The following HELT variants were observed in gnomAD, a reference collection of about 807,000 sequenced individuals.
HELT encodes the protein hairy and enhancer of split-related protein HELT.
Under a neutral mutation model 19.5 loss-of-function variants are expected in HELT, and 9 were observed. The ratio of observed to expected loss-of-function variants is 0.46; its 90% CI spans 0.28 to 0.80. The LOEUF is 0.80. Among genes scored for constraint, HELT ranks in the 30% least tolerant of loss-of-function variants. HELT has a pLI of 0.12. For synonymous variants in HELT, 162 were observed against 148.3 expected (o/e 1.09, Z -0.67); for missense variants, 366 against 326.3 (o/e 1.12, Z -0.94).
chr4:185,019,312 A>G, intron 1 of HELT, 75 bp from the exon 2 acceptor site: 2 of 1,304,632 alleles, frequency 1.5e-6, no homozygotes, highest in Non-Finnish European at 2.2e-6. Context: ...GGCGGCTTGC[A>G]CCCAGCTGCT....
chr4:185,018,786 G>C lies in HELT; in HGVS notation c.-143G>C, dbSNP rs1411575018. On this transcript the variant is annotated 5_prime_UTR_variant, in exon 1 of 4. Transcript: ENST00000515777. ...ATAATTCAACTCGTGAATGCATCTG[G>C]AGCCCTAGATGACCGCTTTATAAGG... is the stretch of plus-strand genomic sequence containing the variant. The C allele has an allele frequency of 7.2e-6, 5 of 696,024 alleles. No individual in the cohort carries two copies. The highest frequency in any genetic ancestry group is 1.2e-5 in the Non-Finnish European group (5 of 429,222). The allele number at this position is 696,024 out of a possible 1,614,324, so 43.1% of individuals were successfully genotyped here.
intron 2 of HELT, 92 bp from the exon 3 acceptor site, chr4:185,019,655 G>A: frequency 1.2e-6 from 2 of 1,608,276 alleles, no homozygotes; most frequent in Non-Finnish European, 1.7e-6. Flanking sequence ...GCGCAGATCC[G>A]CAGCCGCGTC....
chr4:185,019,619 C>A, intron 2 of HELT, 128 bp downstream of exon 2: 1 of 1,593,532 alleles, frequency 6.3e-7, no homozygotes, highest in South Asian at 1.1e-5. Context: ...GGGGCCTGAG[C>A]GCAGGGCGAA....
In HELT at chr4:185,018,893, C is replaced by G. The variant is rs1392644285; in HGVS notation, c.-36C>G. The stretch of plus-strand genomic sequence containing the variant: ...GGCGGAAAAGTGGACGGGTGCCCCG[C>G]GCCACCGCCTCTCCCGAGGGCGCGT... On this transcript the variant is annotated 5_prime_UTR_variant, in exon 1 of 4. Transcript: ENST00000515777. The G allele has an allele frequency of 1.3e-6, 2 of 1,549,974 alleles. No individual in the cohort carries two copies. Among genetic ancestry groups the G allele is most frequent in the Non-Finnish European group, 1.8e-6 (2 of 1,142,494 alleles).
Position 185,020,835 on chromosome 4 carries a change from T to G in HELT, c.*63T>G. 1 of 1,470,560 alleles carries G rather than the reference T, an allele frequency of 6.8e-7. No individual in the cohort carries two copies. The highest frequency in any genetic ancestry group is 1.4e-5 in the South Asian group (1 of 70,848). The allele number at this position is 1,470,560 out of a possible 1,614,324, so 91.1% of individuals were successfully genotyped here. A position where few individuals can be genotyped will look rare whatever the true frequency, so the allele number is the denominator to read the frequency against. ...GCTTTTAGGAGAAATGCTGTATATA[T>G]TGTACACATAATGTGTAAATATTGT... On this transcript the variant is annotated 3_prime_UTR_variant, in exon 4 of 4. Coordinates refer to ENST00000515777, the MANE Select transcript of HELT (RefSeq NM_001300781.2).
chr4:185,019,622 A>G, intron 2 of HELT, 125 bp from the exon 3 acceptor site: 1 of 1,595,882 alleles, frequency 6.3e-7, no homozygotes, highest in Non-Finnish European at 8.5e-7. Context: ...GCCTGAGCGC[A>G]GGGCGAACCT....
At position 185,019,494 on chromosome 4, in the gene HELT, A is replaced by G; in HGVS notation, c.132+3A>G. The G allele has an allele frequency of 1.9e-6, 3 of 1,603,948 alleles. No individual in the cohort carries two copies. Among genetic ancestry groups the G allele is most frequent in the Non-Finnish European group, 2.6e-6 (3 of 1,175,052 alleles). On this transcript the variant is annotated splice_donor_region_variant and intron_variant, in intron 2 of 3. Coordinates refer to ENST00000515777, the MANE Select transcript of HELT (RefSeq NM_001300781.2). Reference sequence around the variant, plus strand: ...TGCCCATGGCCTTGGCGAAGCAGGTAACGTTGGCGACCCGGAGCCGGGTGC... The same window carrying G: ...TGCCCATGGCCTTGGCGAAGCAGGTGACGTTGGCGACCCGGAGCCGGGTGC...
chr4:185,019,349 G>A (rs1466681675), intron 1 of HELT, 38 bp from the exon 2 acceptor site: 10 of 1,544,966 alleles, frequency 6.5e-6, no homozygotes, highest in African/African-American at 2.7e-5. Context: ...CGACTTCCCG[G>A]GCAAAGCCAT....
In HELT at chr4:185,019,139, T is replaced by C. The variant is rs568776854; in HGVS notation, c.27+184T>C. The C allele has an allele frequency of 4.8e-5, 75 of 1,552,016 alleles. No individual in the cohort carries two copies. The African/African-American group carries it at 9.9e-4, about 21-fold the overall frequency. The stretch of plus-strand genomic sequence containing the variant: ...AGGAGGGTGCTCAACCAGGTAGAAG[T>C]CCTGCCTGGAGGCTGGCGGCCACCT... On this transcript the variant is annotated intron_variant, in intron 1 of 3. Transcript: ENST00000515777.
At position 185,019,412 on chromosome 4, in the gene HELT, T is replaced by C. The variant is rs778951420; in HGVS notation, c.53T>C (p.Ile18Thr). Reference protein sequence around the residue: ...RKRTPVSHKVIEKRRRDRINR... With the variant: ...RKRTPVSHKVTEKRRRDRINR... ...AGAACCCCCGTTTCTCATAAAGTGA[T>C]AGAAAAGCGGAGGAGGGACAGGATC... The change falls in exon 2 of 4, where the codon ATA (isoleucine) becomes ACA (threonine). Residue 18 changes from isoleucine to threonine, a missense_variant. Coordinates refer to ENST00000515777, the MANE Select transcript of HELT (RefSeq NM_001300781.2). 3 of 1,612,888 alleles carry C rather than the reference T, an allele frequency of 1.9e-6. No individual in the cohort carries two copies. The East Asian group carries it at 6.7e-5, about 36-fold the overall frequency.
At position 185,019,828 on chromosome 4, in the gene HELT, C is replaced by A. The variant is rs771965283; in HGVS notation, c.214C>A (p.Arg72=). ...AGCACTGCACTCCGCTGATTTTCCCCGGGGAAGGGAAAAAGGTGGGCACAG... is the reference window on the plus strand; with the variant it reads ...AGCACTGCACTCCGCTGATTTTCCCAGGGGAAGGGAAAAAGGTGGGCACAG... ...LRALHSADFP[R]GREKAELLAE... The change falls in exon 3 of 4, where the codon CGG becomes AGG. Residue 72 remains arginine, a synonymous_variant. Coordinates refer to ENST00000515777, the MANE Select transcript of HELT (RefSeq NM_001300781.2). 1.9e-6 allele frequency: 3 copies of A among 1,613,428 alleles called. No homozygotes were observed. The highest frequency in any genetic ancestry group is 8.5e-7 in the Non-Finnish European group (1 of 1,179,818).
chr4:185,018,826 G>A lies in HELT; in HGVS notation c.-103G>A. 3.3e-6 allele frequency: 4 copies of A among 1,210,296 alleles called. No individual in the cohort carries two copies. Among genetic ancestry groups the A allele is most frequent in the Non-Finnish European group, 2.3e-6 (2 of 865,366 alleles). The allele number at this position is 1,210,296 out of a possible 1,614,324, so 75.0% of individuals were successfully genotyped here. The stretch of plus-strand genomic sequence containing the variant: ...GCTTTATAAGGCAGCCCTCGGAGTT[G>A]GGAGGCTGCAGTCTACCTGGGACAC... On this transcript the variant is annotated 5_prime_UTR_variant, in exon 1 of 4. Transcript: ENST00000515777.
In HELT at chr4:185,020,384, A is replaced by G. The variant is rs768797505; in HGVS notation, c.341A>G (p.Lys114Arg). 4 of 1,614,090 alleles carry G rather than the reference A, an allele frequency of 2.5e-6. No homozygotes were observed. The African/African-American group carries it at 4.0e-5, about 16-fold the overall frequency. Residue 114 changes from lysine to arginine, a missense_variant, in exon 4 of 4, where the codon AAG (lysine) becomes AGG (arginine). Lys to Arg is a conservative substitution (Grantham distance 26). Coordinates refer to ENST00000515777, the MANE Select transcript of HELT (RefSeq NM_001300781.2). ...TVERMETKDTKYARILAFLQS... is the reference protein window; with the variant it reads ...TVERMETKDTRYARILAFLQS... ...GAGCGGATGGAGACCAAGGACACGA[A>G]GTACGCGCGCATCCTCGCCTTCTTG... is the stretch of plus-strand genomic sequence containing the variant.
chr4:185,018,923 A>C lies in HELT; in HGVS notation c.-6A>C. 1.9e-6 allele frequency: 3 copies of C among 1,602,642 alleles called. No individual in the cohort carries two copies. Among genetic ancestry groups the C allele is most frequent in the Non-Finnish European group, 2.6e-6 (3 of 1,173,042 alleles). ...CCGCCTCTCCCGAGGGCGCGTACTG[A>C]CCAGGATGTCAGACAAGCTCAAGGA... On this transcript the variant is annotated 5_prime_UTR_variant, in exon 1 of 4. Coordinates refer to ENST00000515777, the MANE Select transcript of HELT (RefSeq NM_001300781.2).
chr4:185,020,205 G>T, intron 3 of HELT, 68 bp from the exon 4 acceptor site: 1 of 1,567,982 alleles, frequency 6.4e-7, no homozygotes, highest in Admixed American at 1.7e-5. Flanking sequence ...CCCTGCACCC[G>T]CTTTGGGCTC....
At chr4:185,019,646 C>T in intron 2 of HELT, 101 bp from the exon 3 acceptor site, 1 of 1,606,818 alleles carries the variant, frequency 6.2e-7, no homozygotes. Context: ...GAGGCTCTGG[C>T]GCAGATCCGC....
chr4:185,019,580 G>A (rs1239785829), intron 2 of HELT, 89 bp downstream of exon 2: 14 of 1,554,088 alleles, frequency 9.0e-6, no homozygotes, highest in Non-Finnish European at 1.1e-5. Context: ...GGACACAGAG[G>A]ACCTCACTTG....
chr4:185,018,527 C>A lies in HELT; in HGVS notation c.-402C>A, dbSNP rs1298573387. ...GCTCCGCGCCCGCGACTGCTGCAGG[C>A]GCTTGCTCGCCCGCCGGCCCCAGTT... On this transcript the variant is annotated 5_prime_UTR_variant, in exon 1 of 4. Coordinates refer to ENST00000515777, the MANE Select transcript of HELT (RefSeq NM_001300781.2). Among the ~76,000 whole-genome samples the A allele has an allele frequency of 6.6e-6, 1 of 152,126 alleles. No individual in the cohort carries two copies. Among genetic ancestry groups the A allele is most frequent in the Non-Finnish European group, 1.5e-5 (1 of 68,004 alleles).
intron 3 of HELT, 120 bp from the exon 4 acceptor site, chr4:185,020,153 G>A (rs767743044): frequency 7.1e-7 from 1 of 1,401,126 alleles, no homozygotes; most frequent in African/African-American, 1.4e-5. Context: ...GAGAGGGCGG[G>A]CCTCAAATGG....
Sources: allele counts gnomAD v4.1 joint callset (sites outside exome capture counted in the v4.1 genomes callset), GRCh38; gene constraint gnomAD v4.1.1; transcripts MANE v1.5; gene names NCBI Gene and HGNC (gene_info 2026-07-23, HGNC 2026-07-21).